The following OR51B5 variants were observed in gnomAD, a reference collection of about 807,000 sequenced individuals.
OR51B5 encodes olfactory receptor 51B5.
For synonymous variants in OR51B5, 186 were observed against 144.8 expected (o/e 1.28, Z -2.04); for missense variants, 456 against 374.6 (o/e 1.22, Z -1.79).
intron 1 of OR51B5, among the ~76,000 whole-genome samples, chr11:5,466,526 G>A (rs1241526609): frequency 6.6e-6 from 1 of 152,148 alleles, no homozygotes; most frequent in Non-Finnish European, 1.5e-5. Context: ...AAAAAGACTT[G>A]AAACAAAAAG....
intron 1 of OR51B5, among the ~76,000 whole-genome samples, chr11:5,399,990 A>G (rs765714912): frequency 1.3e-5 from 2 of 152,218 alleles, no homozygotes; most frequent in African/African-American, 2.4e-5. Flanking sequence ...ATCCAGAGGC[A>G]GATCAATATT....
intron 1 of OR51B5, chr11:5,469,392 T>A (rs1214519981): frequency 6.6e-6 from 1 of 152,398 alleles, no homozygotes; most frequent in East Asian, 1.9e-4. Context: ...AAGCTGGTAG[T>A]ACTTGAGATG....
chr11:5,470,671 TC>T (rs1435977263), intron 1 of OR51B5, among the ~76,000 whole-genome samples: 1 of 152,226 alleles, frequency 6.6e-6, no homozygotes, highest in Non-Finnish European at 1.5e-5. Context: ...TCATCACCAG[TC>T]ACCATCTATT....
intron 1 of OR51B5, among the ~76,000 whole-genome samples, chr11:5,375,243 A>C (rs973213805): frequency 6.7e-6 from 1 of 150,050 alleles, no homozygotes; most frequent in South Asian, 2.2e-4. Flanking sequence ...AAGCTTCATA[A>C]GTGAAGGAGA....
chr11:5,388,868 G>C (rs544056226), intron 1 of OR51B5, among the ~76,000 whole-genome samples: 2 of 152,054 alleles, frequency 1.3e-5, no homozygotes, highest in East Asian at 1.9e-4. Context: ...GAAACCCTAG[G>C]ACTTGGTGAT....
chr11:5,409,831 C>T (rs1357373653), intron 1 of OR51B5, among the ~76,000 whole-genome samples: 2 of 151,974 alleles, frequency 1.3e-5, no homozygotes, highest in Non-Finnish European at 1.5e-5. Context: ...TTATGAAAGC[C>T]CTGAATAAGC....
downstream of OR51B5, chr11:5,340,449 A>C (rs1749898900): frequency 3.2e-5 from 1 of 31,308 alleles, no homozygotes; most frequent in African/African-American, 1.3e-4. Flanking sequence ...ATTGCATTTT[A>C]GTAATTCTAC....
intron 1 of OR51B5, among the ~76,000 whole-genome samples, chr11:5,428,197 T>G (rs1850478082): frequency 6.6e-6 from 1 of 152,152 alleles, no homozygotes; most frequent in Admixed American, 6.5e-5. Context: ...AATCTGAATA[T>G]TCTTGAGAAG....
chr11:5,431,233 C>G (rs569634562), intron 1 of OR51B5: 24 of 343,598 alleles, frequency 7.0e-5, no homozygotes, highest in South Asian at 5.2e-4. Context: ...GGCTACAAAG[C>G]GGTCATAGCT....
chr11:5,424,983 A>G (rs1850426306), intron 1 of OR51B5, among the ~76,000 whole-genome samples: 1 of 128,098 alleles, frequency 7.8e-6, no homozygotes, highest in Admixed American at 8.1e-5. Flanking sequence ...CTCCGCCTCA[A>G]AAAAAAAAAA....
intron 1 of OR51B5, chr11:5,422,418 T>G: frequency 6.2e-7 from 1 of 1,614,150 alleles, no homozygotes; most frequent in South Asian, 1.1e-5. Flanking sequence ...CTGACGGACC[T>G]GGGTCTCACC....
chr11:5,477,233 T>C (rs1346871874), intron 1 of OR51B5, among the ~76,000 whole-genome samples: 2 of 152,160 alleles, frequency 1.3e-5, no homozygotes, highest in Non-Finnish European at 2.9e-5. Flanking sequence ...TGAGTAGTGA[T>C]GGTGGGCCCT....
chr11:5,413,871 C>A (rs373724025), intron 1 of OR51B5, among the ~76,000 whole-genome samples: 2 of 151,216 alleles, frequency 1.3e-5, no homozygotes, highest in East Asian at 1.9e-4. Context: ...AGGATATTAT[C>A]CAGGAGAACT....
At chr11:5,496,120 A>T (rs1851646918) in intron 1 of OR51B5, among the ~76,000 whole-genome samples, 1 of 150,834 alleles carries the variant, frequency 6.6e-6, no homozygotes, top group Admixed American at 6.6e-5. Context: ...GTACCAGTAA[A>T]ATCCCCTCAT....
chr11:5,478,122 T>C (rs1337147332), intron 1 of OR51B5, among the ~76,000 whole-genome samples: 1 of 151,500 alleles, frequency 6.6e-6, no homozygotes, highest in African/African-American at 2.4e-5. Flanking sequence ...TCTGACAGCT[T>C]TGAAGAGAGC....
chr11:5,358,093 A>T (rs902419656), intron 1 of OR51B5, among the ~76,000 whole-genome samples: 44 of 151,780 alleles, frequency 2.9e-4, no homozygotes, highest in African/African-American at 9.9e-4. Context: ...TAGAGAAGCA[A>T]GAGCAAACAC....
chr11:5,382,964 C>A (rs1456889093), intron 1 of OR51B5, among the ~76,000 whole-genome samples: 2 of 152,086 alleles, frequency 1.3e-5, no homozygotes, highest in African/African-American at 4.8e-5. Context: ...ATGCCAGTCT[C>A]CAAGAGTGTG....
At chr11:5,430,705 G>T (rs1036582805) in intron 1 of OR51B5, 14 of 456,546 alleles carry the variant, frequency 3.1e-5, no homozygotes, top group East Asian at 6.9e-5. Context: ...CTGTCTTATT[G>T]TCTGGGTCTT....
rs185887214 is a variant in OR51B5, at chr11:5,397,294, C to T, written n.85-50384G>A. ...CCTACACAATGGGAGAAAATTTTTG[C>T]AATCTACTCATCTGACAAAGGGCTA... On this transcript the variant is annotated intron_variant and non_coding_transcript_variant, in intron 1 of 4. Coordinates refer to the OR51B5 transcript ENST00000415970. 8.6e-4 allele frequency among the ~76,000 whole-genome samples: 131 copies of T among 152,188 alleles called. 2 individuals carry two copies. The East Asian group carries it at 0.025, about 29-fold the overall frequency.
Sources: allele counts gnomAD v4.1 joint callset (sites outside exome capture counted in the v4.1 genomes callset), GRCh38; gene constraint gnomAD v4.1.1; transcripts MANE v1.5; gene names NCBI Gene and HGNC (gene_info 2026-07-23, HGNC 2026-07-21).